The following TENM3 variants were observed in gnomAD, a reference collection of about 807,000 sequenced individuals.
TENM3 encodes teneurin transmembrane protein 3.
In TENM3, 63 loss-of-function variants were observed where a neutral mutation model predicts 255.1. That is an observed-to-expected ratio of 0.25 (90% CI 0.20 to 0.30). The LOEUF is 0.30. Among genes scored for constraint, TENM3 ranks in the 10% least tolerant of loss-of-function variants. The probability of loss-of-function intolerance (pLI) is 1.00; values close to 1 mark genes in which losing one functional copy is unlikely to be tolerated. For synonymous variants in TENM3, 1,306 were observed against 1,322.3 expected, an observed-to-expected ratio of 0.99 and a Z score of 0.27; for missense variants, 2,929 against 3,461.1, an observed-to-expected ratio of 0.85 and a Z score of 3.86.
intron 3 of TENM3, among the ~76,000 whole-genome samples, chr4:182,422,745 T>C (rs551314335): frequency 6.6e-6 from 1 of 152,334 alleles, no homozygotes; most frequent in Admixed American, 6.5e-5. Context: ...TTTTACTGCT[T>C]ATTGTACAGT....
chr4:182,076,404 A>C, the TENM3 span, among the ~76,000 whole-genome samples: 1 of 151,740 alleles, frequency 6.6e-6, no homozygotes, highest in African/African-American at 2.4e-5. Context: ...GGGTTTCACC[A>C]TGTTGGCCAG....
chr4:181,681,522 C>A, the TENM3 span, among the ~76,000 whole-genome samples: 62 of 152,078 alleles, frequency 4.1e-4, no homozygotes, highest in Non-Finnish European at 8.2e-4. Context: ...TTCTTTATTG[C>A]CTAGATGCAA....
the TENM3 span, among the ~76,000 whole-genome samples, chr4:181,582,493 A>G: frequency 6.6e-6 from 1 of 151,888 alleles, no homozygotes; most frequent in Non-Finnish European, 1.5e-5. Context: ...ACAGTCTCCC[A>G]CGGTCTGGGA....
At chr4:181,643,022 T>C in the TENM3 span, among the ~76,000 whole-genome samples, 1 of 152,182 alleles carries the variant, frequency 6.6e-6, no homozygotes, top group Non-Finnish European at 1.5e-5. Context: ...TTTAAACTAA[T>C]TTTTTCCAGT....
the TENM3 span, among the ~76,000 whole-genome samples, chr4:181,715,293 A>T: frequency 6.6e-6 from 1 of 152,166 alleles, no homozygotes; most frequent in Non-Finnish European, 1.5e-5. Context: ...CAAATGTTGC[A>T]CATTTGAGCT....
In TENM3 at chr4:182,789,077, G is replaced by T. The variant is rs1247833237; in HGVS notation, c.5305-16G>T. ...ATAACATGATTTATTTTATCATCTT[G>T]TTGGTGTTGTAACAGGTTAATGGCA... is the stretch of plus-strand genomic sequence containing the variant. On this transcript the variant is annotated splice_polypyrimidine_tract_variant and intron_variant, in intron 24 of 27. Transcript: ENST00000511685. The surrounding 1 kb of genome is among the most constrained non-coding windows in gnomAD (Gnocchi z 4.4). 1.3e-6 allele frequency: 2 copies of T among 1,589,790 alleles called. No homozygotes were observed. Among genetic ancestry groups the T allele is most frequent in the Admixed American group, 1.7e-5 (1 of 58,040 alleles).
intron 1 of TENM3, among the ~76,000 whole-genome samples, chr4:182,192,771 A>G (rs991438137): frequency 6.6e-6 from 1 of 152,190 alleles, no homozygotes; most frequent in Non-Finnish European, 1.5e-5. Context: ...TCTGGTGTGT[A>G]TGTAGGGGTT....
the TENM3 span, among the ~76,000 whole-genome samples, chr4:181,806,755 C>T: frequency 6.6e-6 from 1 of 152,228 alleles, no homozygotes; most frequent in African/African-American, 2.4e-5. Context: ...TACCCAGTTT[C>T]ACGTGTTCTG....
intron 3 of TENM3, among the ~76,000 whole-genome samples, chr4:182,504,895 A>G (rs1000623180): frequency 1.2e-4 from 18 of 152,230 alleles, no homozygotes; most frequent in Middle Eastern, 3.2e-3. Context: ...AGCCCAGGTC[A>G]TAATACAACA....
At chr4:182,244,410 A>T (rs371883874) in intron 1 of TENM3, among the ~76,000 whole-genome samples, 46 of 152,302 alleles carry the variant, frequency 3.0e-4, no homozygotes, top group African/African-American at 1.0e-3. Context: ...CCAGCCATAC[A>T]TGTTAGAGTG....
chr4:181,899,080 T>C, the TENM3 span, among the ~76,000 whole-genome samples: 2 of 152,086 alleles, frequency 1.3e-5, no homozygotes, highest in African/African-American at 4.8e-5. Flanking sequence ...TTATAGTGAA[T>C]ATTTTCAAAG....
At chr4:182,095,479 G>A in the TENM3 span, among the ~76,000 whole-genome samples, 382 of 152,290 alleles carry the variant, frequency 2.5e-3, 2 homozygotes, top group African/African-American at 8.8e-3. Context: ...ACTCATACGT[G>A]AAAGCTTAAA....
chr4:181,464,038 T>C, the TENM3 span, among the ~76,000 whole-genome samples: 1 of 152,250 alleles, frequency 6.6e-6, no homozygotes. Flanking sequence ...ACATTTTGTT[T>C]ATCCATTTAT....
At chr4:181,473,030 A>G in the TENM3 span, among the ~76,000 whole-genome samples, 34 of 152,346 alleles carry the variant, frequency 2.2e-4, no homozygotes, top group Non-Finnish European at 4.3e-4. Flanking sequence ...AGGCACTTCC[A>G]TCAGACACAA....
chr4:182,177,958 G>GTTT lies in TENM3; in HGVS notation c.-76+33219_-76+33221dup, dbSNP rs56256529. 3.0e-3 allele frequency among the ~76,000 whole-genome samples: 354 copies of GTTT among 117,084 alleles called. 6 individuals carry two copies. Among genetic ancestry groups the GTTT allele is most frequent in the Non-Finnish European group, 4.2e-3 (233 of 55,670 alleles). 76.8% of individuals were successfully genotyped at this position (117,084 alleles called of 152,430 possible). ...CAATATTTTATATGTTTTGGTTTTTGTTTTTTTTTTTTTTTTTGCTTTAAG... is the reference window on the plus strand; with the variant it reads ...CAATATTTTATATGTTTTGGTTTTTGTTTTTTTTTTTTTTTTTTTTGCTTTAAG... On this transcript the variant is annotated intron_variant, in intron 1 of 2. Coordinates refer to the TENM3 transcript ENST00000512480.
chr4:181,962,116 C>T, the TENM3 span, among the ~76,000 whole-genome samples: 1 of 152,260 alleles, frequency 6.6e-6, no homozygotes, highest in African/African-American at 2.4e-5. Context: ...AGATTAAACT[C>T]CAGTCAATGT....
chr4:181,701,940 A>G, the TENM3 span, among the ~76,000 whole-genome samples: 336 of 152,290 alleles, frequency 2.2e-3, no homozygotes, highest in African/African-American at 7.7e-3. Context: ...TGGTTCTCCT[A>G]TAGCTGGGTC....
chr4:182,394,702 T>C (rs982484736), intron 3 of TENM3, among the ~76,000 whole-genome samples: 3 of 152,194 alleles, frequency 2.0e-5, no homozygotes, highest in Non-Finnish European at 4.4e-5. Flanking sequence ...AAATTGATTT[T>C]TAATTATGAG....
chr4:181,699,351 A>C, the TENM3 span, among the ~76,000 whole-genome samples: 1 of 142,892 alleles, frequency 7.0e-6, no homozygotes, highest in Non-Finnish European at 1.5e-5. Context: ...GGATCCCAGA[A>C]GCTTGATCTT....
Sources: gnomAD v4.1 joint callset for allele counts (sites outside exome capture counted in the v4.1 genomes callset) on GRCh38, gnomAD v4.1.1 for gene constraint, Gnocchi (gnomAD v3.1) non-coding constraint, MANE v1.5 for transcripts, NCBI Gene and HGNC (gene_info 2026-07-23, HGNC 2026-07-21) for gene names.